PACRG: variants seen among roughly 807,000 people sequenced by gnomAD.
PACRG encodes parkin coregulated, also known as parkin coregulated gene protein.
In PACRG, 29 loss-of-function variants were observed where a neutral mutation model predicts 29.7. The ratio of observed to expected loss-of-function variants is 0.98; its 90% CI spans 0.73 to 1.33. The LOEUF (loss-of-function observed/expected upper bound fraction) is 1.33, where lower values mean the gene tolerates loss of function less well. Ranked by LOEUF, PACRG falls within the 40% of genes most tolerant of loss-of-function variation. The pLI is 0.00. For synonymous variants in PACRG, 116 were observed against 118.7 expected (o/e 0.98, Z 0.15); for missense variants, 279 against 316.2 (o/e 0.88, Z 0.89).
At chr6:163,276,630 A>G (rs911324940) in intron 4 of PACRG, among the ~76,000 whole-genome samples, 3 of 152,226 alleles carry the variant, frequency 2.0e-5, no homozygotes, top group Admixed American at 2.0e-4. Flanking sequence ...TCTAATGTCC[A>G]ACGCAAAGTA....
At chr6:162,939,289 A>G (rs1261656839) in intron 2 of PACRG, among the ~76,000 whole-genome samples, 1 of 152,246 alleles carries the variant, frequency 6.6e-6, no homozygotes, top group Non-Finnish European at 1.5e-5. Context: ...AAGACCTGAA[A>G]CTATAAAAAA....
intron 2 of PACRG, among the ~76,000 whole-genome samples, chr6:162,935,305 T>C (rs1798152259): frequency 6.6e-6 from 1 of 152,080 alleles, no homozygotes. Context: ...ATTGTTCTTC[T>C]GGAACTCCCA....
intron 2 of PACRG, among the ~76,000 whole-genome samples, chr6:162,981,677 T>C (rs1246236349): frequency 1.3e-5 from 2 of 152,152 alleles, no homozygotes; most frequent in Non-Finnish European, 2.9e-5. Flanking sequence ...GAACATGGGA[T>C]GTGTTTCCAT....
At chr6:163,165,838 C>T (rs748148833) in intron 4 of PACRG, 2 of 333,410 alleles carry the variant, frequency 6.0e-6, no homozygotes, top group Non-Finnish European at 1.2e-5. Flanking sequence ...AGGGAGGCCT[C>T]ATTTAGGACA....
chr6:162,927,699 T>C (rs1198266559), intron 2 of PACRG, among the ~76,000 whole-genome samples: 3 of 151,966 alleles, frequency 2.0e-5, no homozygotes, highest in African/African-American at 4.8e-5. Context: ...GCTTAATACA[T>C]AGGTATTGGG....
chr6:162,751,122 T>G (rs906054794), intron 1 of PACRG, among the ~76,000 whole-genome samples: 1 of 152,158 alleles, frequency 6.6e-6, no homozygotes, highest in South Asian at 2.1e-4. Context: ...TATTTGTGTT[T>G]ATGCATATGA....
At chr6:163,125,425 T>G (rs988753532) in intron 4 of PACRG, among the ~76,000 whole-genome samples, 1 of 152,166 alleles carries the variant, frequency 6.6e-6, no homozygotes, top group Non-Finnish European at 1.5e-5. Flanking sequence ...AACTTAAAAC[T>G]CACATACAGT....
chr6:162,931,307 G>T (rs1023884964), intron 2 of PACRG, among the ~76,000 whole-genome samples: 13 of 151,834 alleles, frequency 8.6e-5, no homozygotes, highest in African/African-American at 2.9e-4. Flanking sequence ...TCAAAGAAAA[G>T]ATATTTTTAA....
intron 1 of PACRG, among the ~76,000 whole-genome samples, chr6:162,738,206 T>A (rs1018999509): frequency 1.3e-5 from 2 of 152,216 alleles, no homozygotes; most frequent in African/African-American, 2.4e-5. Flanking sequence ...TGTATTCGTA[T>A]ATCCTATAGA....
chr6:163,069,940 A>G (rs1811892336), intron 3 of PACRG, among the ~76,000 whole-genome samples: 1 of 152,202 alleles, frequency 6.6e-6, no homozygotes, highest in Non-Finnish European at 1.5e-5. Flanking sequence ...AATAACATTC[A>G]ATGGAGCCCT....
intron 4 of PACRG, among the ~76,000 whole-genome samples, chr6:163,138,227 C>T (rs887051061): frequency 6.6e-6 from 1 of 152,152 alleles, no homozygotes; most frequent in African/African-American, 2.4e-5. Context: ...TGTTTAACAC[C>T]TCAGCTTGGA....
Position 162,853,919 on chromosome 6 carries a change from T to C in PACRG, c.291+39638T>C, listed in dbSNP as rs1212306476. The stretch of plus-strand genomic sequence containing the variant: ...AGACCATATATTCTTGAACTTAGAA[T>C]ATTGTTGGGTCCATGCTAGGTATAA... On this transcript the variant is annotated intron_variant, in intron 2 of 4. Coordinates refer to ENST00000366888, the MANE Select transcript of PACRG (RefSeq NM_001080379.2). The surrounding 1 kb of genome is among the most constrained non-coding windows in gnomAD (Gnocchi z 4.7). Among the ~76,000 whole-genome samples the C allele has an allele frequency of 2.0e-5, 3 of 152,136 alleles. No individual in the cohort carries two copies. The highest frequency in any genetic ancestry group is 1.5e-5 in the Non-Finnish European group (1 of 68,022).
intron 4 of PACRG, among the ~76,000 whole-genome samples, chr6:163,132,426 C>A (rs2128329876): frequency 6.6e-6 from 1 of 152,288 alleles, no homozygotes; most frequent in African/African-American, 2.4e-5. Context: ...TGAAGGAGAA[C>A]AAGTTTCCCT....
intron 4 of PACRG, among the ~76,000 whole-genome samples, chr6:163,246,690 A>T (rs959524317): frequency 6.6e-6 from 1 of 152,150 alleles, no homozygotes; most frequent in African/African-American, 2.4e-5. Context: ...CTTACATACA[A>T]ATTTTCTCAT....
intron 2 of PACRG, among the ~76,000 whole-genome samples, chr6:162,842,867 G>T (rs2128411825): frequency 9.3e-6 from 1 of 108,084 alleles, no homozygotes; most frequent in South Asian, 3.6e-4. Flanking sequence ...GCTTAGTTTG[G>T]CTGGATATGA....
chr6:163,169,886 C>G lies in PACRG; in HGVS notation c.613+80478C>G, dbSNP rs956639612. On this transcript the variant is annotated intron_variant, in intron 4 of 4. Transcript: ENST00000366888. ...CGGCAGTCCAGGGTCAGGGTGTCAGCAAGATCGGTTTCTCATGGGGCCTCT... is the reference window on the plus strand; with the variant it reads ...CGGCAGTCCAGGGTCAGGGTGTCAGGAAGATCGGTTTCTCATGGGGCCTCT... 3.3e-5 allele frequency among the ~76,000 whole-genome samples: 5 copies of G among 152,212 alleles called. No individual in the cohort carries two copies. In the South Asian group the frequency reaches 6.2e-4, roughly 19 times the overall value.
chr6:163,209,264 T>C (rs183469532), intron 4 of PACRG, among the ~76,000 whole-genome samples: 2 of 152,346 alleles, frequency 1.3e-5, no homozygotes, highest in African/African-American at 4.8e-5. Context: ...GAATAGTCAG[T>C]AGCCTTAGTG....
chr6:162,999,172 T>C (rs370466966), intron 2 of PACRG, among the ~76,000 whole-genome samples: 5 of 152,330 alleles, frequency 3.3e-5, no homozygotes, highest in African/African-American at 1.2e-4. Flanking sequence ...CAAATAATTA[T>C]GGGCAGAAAT....
intron 1 of PACRG, among the ~76,000 whole-genome samples, chr6:162,802,096 A>AT (rs1785928337): frequency 6.6e-6 from 1 of 151,972 alleles, no homozygotes; most frequent in African/African-American, 2.4e-5. Flanking sequence ...AATTCTATAT[A>AT]TTTTTTGTGA....
Sources: gnomAD v4.1 joint callset for allele counts (sites outside exome capture counted in the v4.1 genomes callset) on GRCh38, gnomAD v4.1.1 for gene constraint, Gnocchi (gnomAD v3.1) non-coding constraint, MANE v1.5 for transcripts, NCBI Gene and HGNC (gene_info 2026-07-23, HGNC 2026-07-21) for gene names.